Variants in NF1 observed in about 807,000 individuals in gnomAD.
NF1 encodes neurofibromin.
In NF1, 122 loss-of-function variants were observed where a neutral mutation model predicts 325.7. The ratio of observed to expected loss-of-function variants is 0.37; its 90% CI spans 0.32 to 0.44. The LOEUF is 0.44. NF1 is among the 20% of genes least tolerant of loss of function. The pLI is 1.00. For missense variants in NF1, 2,140 were observed against 3,415.4 expected, an observed-to-expected ratio of 0.63 and a Z score of 9.31; for synonymous variants, 1,091 against 1,186.0, an observed-to-expected ratio of 0.92 and a Z score of 1.65.
chr17:31,148,295 T>G (rs1209913877), intron 1 of NF1, among the ~76,000 whole-genome samples: 1 of 152,080 alleles, frequency 6.6e-6, no homozygotes, highest in Admixed American at 6.6e-5. Context: ...TTTTGGCCAG[T>G]GGGGGCCTCT....
intron 1 of NF1, among the ~76,000 whole-genome samples, chr17:31,150,009 A>C (rs1333433414): frequency 1.3e-5 from 2 of 152,212 alleles, no homozygotes; most frequent in South Asian, 4.1e-4. Context: ...TCTGTCTCTC[A>C]TTGTATGTTA....
At chr17:31,305,637 C>A (rs753236143) in intron 36 of NF1, 3 of 1,588,722 alleles carry the variant, frequency 1.9e-6, no homozygotes, top group Non-Finnish European at 1.7e-6. Flanking sequence ...TTATCTATAG[C>A]GGGTTTATAA....
intron 38 of NF1, among the ~76,000 whole-genome samples, chr17:31,329,672 A>T (rs2069432977): frequency 6.6e-6 from 1 of 152,074 alleles, no homozygotes; most frequent in South Asian, 2.1e-4. Flanking sequence ...TTTTTTCCAT[A>T]TTGGTGGTTA....
In NF1 at chr17:31,238,849, C is replaced by T. The variant is rs112550873; in HGVS notation, c.3974+2828C>T. Among the ~76,000 whole-genome samples the T allele has an allele frequency of 4.0e-3, 614 of 152,006 alleles. 6 individuals carry two copies. The highest frequency in any genetic ancestry group is 0.014 in the African/African-American group (580 of 41,452). On this transcript the variant is annotated intron_variant, in intron 29 of 57. Coordinates refer to ENST00000358273, the MANE Select transcript of NF1 (RefSeq NM_001042492.3). Reference sequence around the variant, plus strand: ...TTCCCTTCCCCAGTATCCCAGTTAACGGGGAAACCCAGGGACAACAAAAGA... The same window carrying T: ...TTCCCTTCCCCAGTATCCCAGTTAATGGGGAAACCCAGGGACAACAAAAGA...
chr17:31,146,400 A>G (rs1964392896), intron 1 of NF1, among the ~76,000 whole-genome samples: 1 of 148,194 alleles, frequency 6.7e-6, no homozygotes, highest in South Asian at 2.2e-4. Context: ...TTAGATATCT[A>G]ATCTGTCTGT....
chr17:31,325,768 A>AT (rs2069323784), intron 36 of NF1, 52 bp from the exon 37 acceptor site: 2 of 1,355,340 alleles, frequency 1.5e-6, no homozygotes, highest in Non-Finnish European at 2.1e-6. Flanking sequence ...GCATCTGTAT[A>AT]TTTATTTTAA....
At chr17:31,320,579 T>C (rs974070630) in intron 36 of NF1, 13 of 626,858 alleles carry the variant, frequency 2.1e-5, no homozygotes, top group Non-Finnish European at 3.3e-5. Flanking sequence ...AAAAGTAGCA[T>C]GTAATAAACA....
chr17:31,339,987 T>C (rs1293589620), intron 46 of NF1, among the ~76,000 whole-genome samples: 1 of 152,186 alleles, frequency 6.6e-6, no homozygotes, highest in Non-Finnish European at 1.5e-5. Context: ...GGGAAAGTTG[T>C]GAGGACTGGA....
chr17:31,335,297 A>T (rs868468886), intron 40 of NF1, among the ~76,000 whole-genome samples: 6 of 1,160 alleles, frequency 5.2e-3, no homozygotes, highest in East Asian at 0.024. Context: ...TATATATATA[A>T]TTATGCCTTG....
At chr17:31,275,051 T>G (rs1268196858) in intron 36 of NF1, among the ~76,000 whole-genome samples, 1 of 152,166 alleles carries the variant, frequency 6.6e-6, no homozygotes, top group Non-Finnish European at 1.5e-5. Context: ...TTCATGATGA[T>G]TAAGTAAAAT....
chr17:31,107,257 T>C (rs1912939280), intron 1 of NF1, among the ~76,000 whole-genome samples: 1 of 152,186 alleles, frequency 6.6e-6, no homozygotes, highest in Non-Finnish European at 1.5e-5. Context: ...AGTATTTCTT[T>C]CCCTGTTATG....
chr17:31,159,615 A>G (rs1164732156), intron 3 of NF1, among the ~76,000 whole-genome samples: 1 of 152,144 alleles, frequency 6.6e-6, no homozygotes, highest in African/African-American at 2.4e-5. Context: ...AGTACCAAAC[A>G]ATTATTTCTC....
Position 31,350,434 on chromosome 17 carries a change from G to A in NF1, c.7457+116G>A, listed in dbSNP as rs985338822. 1.9e-5 allele frequency: 16 copies of A among 853,700 alleles called. No homozygotes were observed. The African/African-American group carries it at 2.5e-4, about 14-fold the overall frequency. The allele number at this position is 853,700 out of a possible 1,614,324, so 52.9% of individuals were successfully genotyped here. A position where few individuals can be genotyped will look rare whatever the true frequency, so the allele number is the denominator to read the frequency against. On this transcript the variant is annotated intron_variant, in intron 50 of 57. Transcript: ENST00000358273. ...GTAACATGGGAGAAATCTAGAGATG[G>A]CCTAGGAAGAGTAAGTGAAACTCAT...
intron 39 of NF1, among the ~76,000 whole-genome samples, chr17:31,332,521 A>G (rs1455424947): frequency 1.3e-5 from 2 of 152,122 alleles, no homozygotes; most frequent in Non-Finnish European, 2.9e-5. Context: ...CTTAATCATG[A>G]AGGGTGCTGA....
intron 1 of NF1, among the ~76,000 whole-genome samples, chr17:31,120,724 A>G (rs572461429): frequency 1.3e-5 from 2 of 152,052 alleles, no homozygotes; most frequent in Non-Finnish European, 2.9e-5. Context: ...CCCATTCAGT[A>G]TGAGTATACC....
At chr17:31,155,688 T>C (rs2065647473) in intron 1 of NF1, among the ~76,000 whole-genome samples, 1 of 152,242 alleles carries the variant, frequency 6.6e-6, no homozygotes, top group Non-Finnish European at 1.5e-5. Context: ...GAATTCTATT[T>C]TGTAGATAGA....
intron 28 of NF1, 21 bp downstream of exon 28, chr17:31,235,793 G>C (rs2151438132): frequency 6.2e-7 from 1 of 1,614,030 alleles, no homozygotes; most frequent in Non-Finnish European, 8.5e-7. Context: ...TTCATTTTGT[G>C]TGTATGTGTG....
chr17:31,115,357 AGTT>A (rs1913808888), intron 1 of NF1, among the ~76,000 whole-genome samples: 1 of 152,204 alleles, frequency 6.6e-6, no homozygotes, highest in Admixed American at 6.5e-5. Context: ...GTCATGAGGT[AGTT>A]GTTACTTCCA....
chr17:31,372,244 C>A (rs993086197), intron 57 of NF1, among the ~76,000 whole-genome samples: 2 of 152,080 alleles, frequency 1.3e-5, no homozygotes, highest in Non-Finnish European at 2.9e-5. Flanking sequence ...CAGATGTTTA[C>A]CCAGCCCTAC....
Sources: gnomAD v4.1 joint callset for allele counts (sites outside exome capture counted in the v4.1 genomes callset) on GRCh38, gnomAD v4.1.1 for gene constraint, MANE v1.5 for transcripts, NCBI Gene and HGNC (gene_info 2026-07-23, HGNC 2026-07-21) for gene names.